The following SLC35D4 variants were observed in gnomAD, a reference collection of about 807,000 sequenced individuals.
SLC35D4 encodes solute carrier family 35 member D4.
chr18:23,339,868 A>C, the SLC35D4 span, among the ~76,000 whole-genome samples: 1 of 152,138 alleles, frequency 6.6e-6, no homozygotes, highest in Non-Finnish European at 1.5e-5. Context: ...TGAGCTACTC[A>C]TCTCCCAAAG....
chr18:23,370,178 T>C, the SLC35D4 span: 1 of 1,562,846 alleles, frequency 6.4e-7, no homozygotes, highest in Non-Finnish European at 8.7e-7. Flanking sequence ...CAACAAGAGC[T>C]AAACTCCATC....
the SLC35D4 span, among the ~76,000 whole-genome samples, chr18:23,397,210 C>G: frequency 6.6e-6 from 1 of 152,188 alleles, no homozygotes; most frequent in Non-Finnish European, 1.5e-5. Flanking sequence ...TGTCTCCAAC[C>G]ACAGTGAATG....
chr18:23,281,309 G>A, the SLC35D4 span, among the ~76,000 whole-genome samples: 1 of 152,162 alleles, frequency 6.6e-6, no homozygotes, highest in Non-Finnish European at 1.5e-5. Context: ...ATATTTCTAT[G>A]AAGCTGTTAT....
chr18:23,245,369 G>C, the SLC35D4 span, among the ~76,000 whole-genome samples: 1 of 152,086 alleles, frequency 6.6e-6, no homozygotes, highest in African/African-American at 2.4e-5. Context: ...AAAATAGCCA[G>C]GCGTGGTGGC....
chr18:23,419,354 G>A, the SLC35D4 span, among the ~76,000 whole-genome samples: 4 of 151,676 alleles, frequency 2.6e-5, no homozygotes, highest in Admixed American at 6.6e-5. Context: ...GTGCAGTGGC[G>A]CAATCTTGGC....
the SLC35D4 span, among the ~76,000 whole-genome samples, chr18:23,332,772 AG>A: frequency 3.3e-5 from 5 of 152,180 alleles, no homozygotes; most frequent in South Asian, 4.1e-4. Flanking sequence ...AAAAGCTAAC[AG>A]TAACTGCTTA....
chr18:23,299,218 G>A, the SLC35D4 span, among the ~76,000 whole-genome samples: 2 of 152,178 alleles, frequency 1.3e-5, no homozygotes, highest in African/African-American at 2.4e-5. Context: ...GGAGATGATC[G>A]CATCTAACAG....
the SLC35D4 span, among the ~76,000 whole-genome samples, chr18:23,256,229 C>T: frequency 6.6e-6 from 1 of 152,238 alleles, no homozygotes; most frequent in African/African-American, 2.4e-5. Context: ...ACATGAGGCC[C>T]TCCCTGTCCA....
the SLC35D4 span, among the ~76,000 whole-genome samples, chr18:23,435,430 G>C: frequency 6.6e-6 from 1 of 152,082 alleles, no homozygotes; most frequent in Non-Finnish European, 1.5e-5. Context: ...AATTAGAAGA[G>C]TTAAATTGAA....
chr18:23,344,369 C>T, the SLC35D4 span, among the ~76,000 whole-genome samples: 2 of 152,154 alleles, frequency 1.3e-5, no homozygotes, highest in Non-Finnish European at 2.9e-5. Context: ...TGGCTATATG[C>T]CCAATAATGG....
the SLC35D4 span, among the ~76,000 whole-genome samples, chr18:23,256,777 C>A: frequency 6.6e-6 from 1 of 152,130 alleles, no homozygotes; most frequent in East Asian, 1.9e-4. Context: ...GAGCCACCAC[C>A]GGTTTGCTTT....
the SLC35D4 span, among the ~76,000 whole-genome samples, chr18:23,398,125 A>G: frequency 6.6e-6 from 1 of 152,352 alleles, no homozygotes; most frequent in South Asian, 2.1e-4. Flanking sequence ...AGGCAAGTTT[A>G]GCAAGACTTT....
chr18:23,303,744 T>C, the SLC35D4 span, among the ~76,000 whole-genome samples: 6 of 149,660 alleles, frequency 4.0e-5, no homozygotes, highest in Non-Finnish European at 8.9e-5. Flanking sequence ...CTCCTAAAAA[T>C]ACAAAAATTA....
the SLC35D4 span, among the ~76,000 whole-genome samples, chr18:23,427,094 G>A: frequency 6.6e-6 from 1 of 152,134 alleles, no homozygotes; most frequent in Non-Finnish European, 1.5e-5. Context: ...ATACCATTCA[G>A]GACATAGGCA....
the SLC35D4 span, among the ~76,000 whole-genome samples, chr18:23,386,722 CAA>C: frequency 0.013 from 1,366 of 108,404 alleles, 16 homozygotes; most frequent in African/African-American, 0.035. Context: ...AAACTCTCAC[CAA>C]AAAAAAAAAA....
chr18:23,404,059 A>G, the SLC35D4 span, among the ~76,000 whole-genome samples: 7 of 152,068 alleles, frequency 4.6e-5, no homozygotes, highest in Non-Finnish European at 5.9e-5. Context: ...CAGAGATTGC[A>G]GTGAGCCGAG....
At chr18:23,382,311 G>A in the SLC35D4 span, among the ~76,000 whole-genome samples, 1 of 150,936 alleles carries the variant, frequency 6.6e-6, no homozygotes, top group South Asian at 2.1e-4. Flanking sequence ...ATTTGGACAG[G>A]TCAGGTTCCC....
chr18:23,302,710 G>A, the SLC35D4 span, among the ~76,000 whole-genome samples: 5 of 152,180 alleles, frequency 3.3e-5, no homozygotes, highest in South Asian at 4.1e-4. Flanking sequence ...TGGAATGCAC[G>A]AATATACAAA....
the SLC35D4 span, among the ~76,000 whole-genome samples, chr18:23,247,368 C>T: frequency 3.9e-5 from 6 of 152,202 alleles, no homozygotes; most frequent in South Asian, 2.1e-4. Context: ...CAGAGTGATC[C>T]GTCCAGTTTC....
Sources: gnomAD v4.1 joint callset for allele counts (sites outside exome capture counted in the v4.1 genomes callset) on GRCh38, gnomAD v4.1.1 for gene constraint, MANE v1.5 for transcripts, NCBI Gene and HGNC (gene_info 2026-07-23, HGNC 2026-07-21) for gene names.